NUP188: variants seen among roughly 807,000 people sequenced by gnomAD.
NUP188 encodes the protein nucleoporin NUP188.
NUP188 carries 97 observed loss-of-function variants against 223.0 expected under a neutral mutation model. That is an observed-to-expected ratio of 0.43 (90% CI 0.37 to 0.51). NUP188 has a LOEUF of 0.51. Among genes scored for constraint, NUP188 ranks in the 20% least tolerant of loss-of-function variants. The pLI is 0.00. For synonymous variants in NUP188, 869 were observed against 828.0 expected, an observed-to-expected ratio of 1.05 and a Z score of -0.85; for missense variants, 1,947 against 2,175.6, an observed-to-expected ratio of 0.89 and a Z score of 2.09.
rs17452414 is a variant in NUP188 at position 128,969,439 on chromosome 9, C to T, written c.837C>T (p.Ile279=). The T allele has an allele frequency of 3.4e-3, 5,515 of 1,610,492 alleles. 158 individuals are homozygous for T. The East Asian group carries it at 0.057, about 17-fold the overall frequency. ...SALILVEGMD[I]ESLHKCALDD... Reference sequence around the variant, plus strand: ...TCATCCTGGTGGAGGGCATGGATATCGAGTCCTTGCATAAGTGTGCTTTGG... The same window carrying T: ...TCATCCTGGTGGAGGGCATGGATATTGAGTCCTTGCATAAGTGTGCTTTGG... The change falls in exon 10 of 44, where the codon ATC becomes ATT. Residue 279 remains isoleucine (I), a synonymous_variant. Transcript: ENST00000372577.
chr9:128,998,084 C>G (rs1028543262), intron 30 of NUP188, 67 bp from the exon 31 acceptor site: 2 of 1,058,850 alleles, frequency 1.9e-6, no homozygotes, highest in African/African-American at 3.1e-5. Context: ...GCAGAGGACC[C>G]CATGTTTCTT....
In NUP188 at chr9:129,002,860, C is replaced by T. The variant is rs1842697281; in HGVS notation, c.4181C>T (p.Pro1394Leu). 1.2e-6 allele frequency: 2 copies of T among 1,614,220 alleles called. No individual in the cohort carries two copies. The highest frequency in any genetic ancestry group is 1.3e-5 in the African/African-American group (1 of 75,058). ...SRKSLDAPSW[P>L]GVYRLSMSLM... ...AAGTCCCTGGATGCCCCCTCTTGGC[C>T]AGGAGTCTACCGCCTGTCCATGTCC... The change falls in exon 37 of 44, where the codon CCA becomes CTA. Residue 1394 changes from proline to leucine, a missense_variant. By Grantham distance (98) the Pro-to-Leu change is moderately conservative (BLOSUM62 -3). Around this residue, in one of 3 missense-constraint regions of NUP188, gnomAD observed 905 missense variants for 990.6 expected, o/e 0.91. Transcript: ENST00000372577.
chr9:128,981,242 A>G (rs1356432283), intron 14 of NUP188, 22 bp from the exon 15 acceptor site: 6 of 1,610,052 alleles, frequency 3.7e-6, no homozygotes, highest in Non-Finnish European at 5.1e-6. Flanking sequence ...GAAATGTGTG[A>G]TGGTTTTTTC....
At chr9:129,005,818 C>T (rs1197462765) in intron 41 of NUP188, 42 bp downstream of exon 41, 1 of 1,549,138 alleles carries the variant, frequency 6.5e-7, no homozygotes, top group Non-Finnish European at 8.7e-7. Flanking sequence ...CCCCCGGCTC[C>T]TCCCCCTGCC....
chr9:128,948,143 T>C (rs2131131205), intron 1 of NUP188: 1 of 179,642 alleles, frequency 5.6e-6, no homozygotes, highest in African/African-American at 2.3e-5. Context: ...ACGTCCCTGC[T>C]GCAGGCTCCC....
chr9:129,002,114 C>G (rs891324784), intron 36 of NUP188, 138 bp downstream of exon 36: 1 of 689,288 alleles, frequency 1.5e-6, no homozygotes. Flanking sequence ...ATCTTCCCTG[C>G]CCCCAGGCGG....
At chr9:129,005,110 CAAG>C in intron 38 of NUP188, 34 bp from the exon 39 acceptor site, 1 of 1,558,626 alleles carries the variant, frequency 6.4e-7, no homozygotes, top group South Asian at 1.1e-5. Flanking sequence ...GGGCTGCTGA[CAAG>C]AGAATCCGCT....
At chr9:128,974,697 C>T (rs1418464952) in intron 12 of NUP188, among the ~76,000 whole-genome samples, 3 of 151,820 alleles carry the variant, frequency 2.0e-5, no homozygotes. Flanking sequence ...TACTATTTAA[C>T]TTAATCTACA....
chr9:128,971,096 C>A, intron 11 of NUP188, 138 bp downstream of exon 11: 1 of 682,520 alleles, frequency 1.5e-6, no homozygotes, highest in Non-Finnish European at 2.6e-6. Context: ...CATCATCAGG[C>A]ATTATTTATA....
At chr9:128,954,930 T>C (rs1841848125) in intron 3 of NUP188, among the ~76,000 whole-genome samples, 1 of 151,812 alleles carries the variant, frequency 6.6e-6, no homozygotes, top group African/African-American at 2.4e-5. Flanking sequence ...TTCAGCTCAC[T>C]GCAACCTTTG....
Position 128,998,163 on chromosome 9 carries a change from C to T in NUP188, c.3364C>T (p.His1122Tyr). The T allele has an allele frequency of 1.9e-6, 3 of 1,613,638 alleles. No homozygotes were observed. The highest frequency in any genetic ancestry group is 2.5e-6 in the Non-Finnish European group (3 of 1,179,508). The change falls in exon 31 of 44, where the codon CAC (histidine) becomes TAC (tyrosine). Residue 1122 changes from histidine to tyrosine, a missense_variant. His to Tyr is a moderately conservative substitution (Grantham distance 83, BLOSUM62 2). Around this residue, in one of 3 missense-constraint regions of NUP188, gnomAD observed 905 missense variants for 990.6 expected, o/e 0.91. Transcript: ENST00000372577. ...IIATTHADIM[H>Y]LTDSVVRRQL... ...TGTTCCTTTGCAGGCAGATATAATG[C>T]ACCTGACTGACTCTGTGGTGCGTCG...
chr9:128,988,002 A>C, intron 23 of NUP188, 45 bp from the exon 24 acceptor site: 1 of 1,603,506 alleles, frequency 6.2e-7, no homozygotes, highest in South Asian at 1.1e-5. Context: ...TTGCGAATGA[A>C]GTCATACTGT....
chr9:128,965,952 C>G (rs1358255383), intron 8 of NUP188, among the ~76,000 whole-genome samples: 1 of 151,312 alleles, frequency 6.6e-6, no homozygotes, highest in African/African-American at 2.4e-5. Context: ...CGCCCACCAC[C>G]ACGCCCAGCT....
At chr9:128,988,255 G>A (rs1003962988) in intron 24 of NUP188, 69 bp downstream of exon 24, 12 of 1,551,568 alleles carry the variant, frequency 7.7e-6, no homozygotes, top group Middle Eastern at 1.7e-4. Context: ...TCATAAATAC[G>A]TATCTTAGGC....
chr9:128,952,911 T>C, intron 3 of NUP188, 65 bp downstream of exon 3: 1 of 1,241,428 alleles, frequency 8.1e-7, no homozygotes, highest in Non-Finnish European at 1.2e-6. Flanking sequence ...GATAAAACCA[T>C]CCTTCTATGT....
At position 129,003,379 on chromosome 9, in the gene NUP188, G is replaced by A; in HGVS notation, c.4359G>A (p.Val1453=). Residue 1453 remains valine, a synonymous_variant, in exon 38 of 44, where the codon GTG becomes GTA. Transcript: ENST00000372577. ...GCCTGGAGGAGGCGGACCACACCGT[G>A]GGTTTTATTCTGCAGCTCTCTAACT... ...LACLEEADHT[V]GFILQLSNFM... is the part of the protein sequence containing the mutation. The A allele has an allele frequency of 6.2e-7, 1 of 1,613,492 alleles. No individual in the cohort carries two copies. The highest frequency in any genetic ancestry group is 8.5e-7 in the Non-Finnish European group (1 of 1,179,984).
At chr9:128,998,030 T>C (rs1351086298) in intron 30 of NUP188, 121 bp from the exon 31 acceptor site, 1 of 761,772 alleles carries the variant, frequency 1.3e-6, no homozygotes, top group African/African-American at 1.7e-5. Flanking sequence ...ATATAAGCCC[T>C]ATTTTAAATC....
At chr9:128,962,515 C>T (rs1234135240) in intron 8 of NUP188, among the ~76,000 whole-genome samples, 1 of 152,148 alleles carries the variant, frequency 6.6e-6, no homozygotes, top group Non-Finnish European at 1.5e-5. Context: ...TCCCAAAGTG[C>T]TGGGACTACA....
chr9:129,003,649 A>G (rs1229054941), intron 38 of NUP188, 195 bp downstream of exon 38: 2 of 708,928 alleles, frequency 2.8e-6, no homozygotes, highest in Admixed American at 2.3e-5. Context: ...GCAGCCATGT[A>G]GGTTAAGAAT....
Sources: allele counts gnomAD v4.1 joint callset (sites outside exome capture counted in the v4.1 genomes callset), GRCh38; gene constraint gnomAD v4.1.1; regional missense constraint gnomAD v4.1.1; transcripts MANE v1.5; gene names NCBI Gene and HGNC (gene_info 2026-07-23, HGNC 2026-07-21).